The following DENND3 variants were observed in gnomAD, a reference collection of about 807,000 sequenced individuals.
The protein encoded by DENND3 is DENN domain-containing protein 3.
Under a neutral mutation model 135.1 loss-of-function variants are expected in DENND3, and 88 were observed. That is an observed-to-expected ratio of 0.65 (90% CI 0.55 to 0.78). DENND3 has a LOEUF of 0.78. Ranked by LOEUF, DENND3 falls within the 30% of genes least tolerant of loss-of-function variation. The pLI is 0.00. For synonymous variants in DENND3, 693 were observed against 712.3 expected, an observed-to-expected ratio of 0.97 and a Z score of 0.43; for missense variants, 1,392 against 1,688.4, an observed-to-expected ratio of 0.82 and a Z score of 3.08.
At position 141,141,667 on chromosome 8, in the gene DENND3, G is replaced by A; in HGVS notation, c.623+343G>A. ...CATTTTGTTTAGTTTTTCACAAAAA[G>A]GCATATATTAGGAAAAACTCTTTTC... On this transcript the variant is annotated intron_variant, in intron 4 of 22. Transcript: ENST00000519811. The surrounding 1 kb of genome is among the most constrained non-coding windows in gnomAD (Gnocchi z 5.3). The A allele has an allele frequency of 3.8e-6, 1 of 260,526 alleles. No individual in the cohort carries two copies. The highest frequency in any genetic ancestry group is 5.0e-5 in the Admixed American group (1 of 20,094). 16.1% of individuals were successfully genotyped at this position (260,526 alleles called of 1,614,324 possible).
chr8:141,172,153 T>C (rs570439731), intron 13 of DENND3, among the ~76,000 whole-genome samples: 1 of 142,074 alleles, frequency 7.0e-6, no homozygotes, highest in East Asian at 2.2e-4. Flanking sequence ...TGGGTGTGCA[T>C]AGTGACTGTG....
intron 22 of DENND3, chr8:141,193,565 T>C: frequency 6.0e-6 from 1 of 166,118 alleles, no homozygotes; most frequent in Non-Finnish European, 1.3e-5. Flanking sequence ...AAAGCTGGAC[T>C]TCCAGGCCCC....
At chr8:141,133,468 C>T (rs1222913050) in intron 1 of DENND3, among the ~76,000 whole-genome samples, 1 of 152,154 alleles carries the variant, frequency 6.6e-6, no homozygotes, top group East Asian at 1.9e-4. Context: ...CAGACAGGGA[C>T]GTCCCTCGTT....
intron 15 of DENND3, 136 bp downstream of exon 15, chr8:141,176,897 G>C: frequency 1.1e-6 from 1 of 944,476 alleles, no homozygotes; most frequent in Non-Finnish European, 1.6e-6. Context: ...TAAGTTTGTC[G>C]GACACCATCT....
chr8:141,162,312 C>T (rs1305383767), intron 9 of DENND3, among the ~76,000 whole-genome samples: 1 of 151,864 alleles, frequency 6.6e-6, no homozygotes, highest in Non-Finnish European at 1.5e-5. Context: ...ATTTTACAAA[C>T]TCAATGAGTT....
chr8:141,177,948 T>C (rs1035619188), intron 15 of DENND3, 119 bp from the exon 16 acceptor site: 1 of 1,294,628 alleles, frequency 7.7e-7, no homozygotes, highest in Non-Finnish European at 1.0e-6. Context: ...ATCTAAACTC[T>C]TCATGTCACT....
At chr8:141,189,270 T>C (rs1824364230) in intron 19 of DENND3, 124 bp downstream of exon 19, 1 of 1,330,556 alleles carries the variant, frequency 7.5e-7, no homozygotes, top group African/African-American at 1.5e-5. Flanking sequence ...GTGAAGTGGA[T>C]CTAGAACGAG....
Position 141,175,140 on chromosome 8 carries a change from C to T in DENND3, c.2276-60C>T. 1.3e-6 allele frequency: 2 copies of T among 1,551,908 alleles called. No homozygotes were observed. The highest frequency in any genetic ancestry group is 2.3e-5 in the East Asian group (1 of 44,436). On this transcript the variant is annotated intron_variant, in intron 13 of 22. Coordinates refer to ENST00000519811, the MANE Select transcript of DENND3 (RefSeq NM_001352890.3). This position sits in a 1 kb window ranked among gnomAD's most constrained non-coding sequence, Gnocchi z 5.4. Reference sequence around the variant, plus strand: ...GGTTTCTTCAGGTCATGGAGAAGCCCTTGGGGCTCCCGAGGTATGTGGCTG... The same window carrying T: ...GGTTTCTTCAGGTCATGGAGAAGCCTTTGGGGCTCCCGAGGTATGTGGCTG...
At chr8:141,170,389 GT>G (rs747295335) in intron 13 of DENND3, among the ~76,000 whole-genome samples, 45 of 152,130 alleles carry the variant, frequency 3.0e-4, no homozygotes, top group Non-Finnish European at 5.7e-4. Flanking sequence ...ATATGAATGT[GT>G]GTGGGTGTGA....
chr8:141,193,107 C>T (rs533895263), intron 22 of DENND3: 14 of 296,762 alleles, frequency 4.7e-5, no homozygotes, highest in African/African-American at 2.7e-4. Flanking sequence ...ATGGCACTCT[C>T]TCTCCCTGTG....
At chr8:141,180,974 A>AAGGT in intron 17 of DENND3, 120 bp downstream of exon 17, 1 of 763,756 alleles carries the variant, frequency 1.3e-6, no homozygotes, top group South Asian at 2.0e-5. Flanking sequence ...AAGTGGGGAC[A>AAGGT]AGGTGCCTGT....
Position 141,174,504 on chromosome 8 carries a change from G to T in DENND3, c.2276-696G>T, listed in dbSNP as rs948371053. Among the ~76,000 whole-genome samples the T allele has an allele frequency of 6.6e-6, 1 of 152,132 alleles. No homozygotes were observed. Among genetic ancestry groups the T allele is most frequent in the African/African-American group, 2.4e-5 (1 of 41,418 alleles). On this transcript the variant is annotated intron_variant, in intron 13 of 22. Coordinates refer to ENST00000519811, the MANE Select transcript of DENND3 (RefSeq NM_001352890.3). The surrounding 1 kb of genome is among the most constrained non-coding windows in gnomAD (Gnocchi z 4.6). ...TTTCCGAGGGGTCGTCCCATCTCCC[G>T]CTGACAGATAAGCAGGTTCGTTCCG...
In DENND3 at chr8:141,128,824, A is replaced by G; in HGVS notation, c.102+15A>G. 1 of 1,379,320 alleles carries G rather than the reference A, an allele frequency of 7.2e-7. No individual in the cohort carries two copies. Among genetic ancestry groups the G allele is most frequent in the Non-Finnish European group, 9.4e-7 (1 of 1,059,112 alleles). 85.4% of individuals were successfully genotyped at this position (1,379,320 alleles called of 1,614,324 possible). ...GTCTCGAGCAGGTGAGGGGCGGGGA[A>G]ACTGAGGCGGACGTGGGCCACGAGT... is the stretch of plus-strand genomic sequence containing the variant. On this transcript the variant is annotated intron_variant, in intron 1 of 22. Coordinates refer to ENST00000519811, the MANE Select transcript of DENND3 (RefSeq NM_001352890.3). The surrounding 1 kb of genome is among the most constrained non-coding windows in gnomAD (Gnocchi z 4.5).
chr8:141,146,963 A>G lies in DENND3; in HGVS notation c.735+2704A>G, dbSNP rs558933277. ...ACTTGAGAGCAGTTTCAGGGTCAGC[A>G]GTAATGAGCTGCACTCGGCCTTTGA... is the stretch of plus-strand genomic sequence containing the variant. On this transcript the variant is annotated intron_variant, in intron 5 of 22. Transcript: ENST00000519811. This position sits in a 1 kb window ranked among gnomAD's most constrained non-coding sequence, Gnocchi z 4.3. Among the ~76,000 whole-genome samples, 2 of 152,334 alleles carry G rather than the reference A, an allele frequency of 1.3e-5. No individual in the cohort carries two copies. The highest frequency in any genetic ancestry group is 3.9e-4 in the East Asian group (2 of 5,186).
Position 141,136,690 on chromosome 8 carries a change from A to C in DENND3, c.284A>C (p.Gln95Pro). ...AAGAGAGAGAAGCCCAGACCAGAGC[A>C]GTGGAAGGGCCTCCCGGGGCCCCCC... ...RKKREKPRPE[Q>P]WKGLPGPPRA... is the part of the protein sequence containing the mutation. The change falls in exon 2 of 23, where the codon CAG (glutamine) becomes CCG (proline). Residue 95 changes from glutamine to proline, a missense_variant. By Grantham distance (76) the Gln-to-Pro change is moderately conservative. Coordinates refer to ENST00000519811, the MANE Select transcript of DENND3 (RefSeq NM_001352890.3). The C allele has an allele frequency of 6.2e-7, 1 of 1,613,220 alleles. No individual in the cohort carries two copies. The highest frequency in any genetic ancestry group is 1.1e-5 in the South Asian group (1 of 90,808).
chr8:141,141,141 G>T lies in DENND3; in HGVS notation c.502-62G>T. ...TGTGTGCTGAAACGTGACCCAGTTG[G>T]AAACAGATACTGGAATTGCCAAGGT... is the stretch of plus-strand genomic sequence containing the variant. On this transcript the variant is annotated intron_variant, in intron 3 of 22. Coordinates refer to ENST00000519811, the MANE Select transcript of DENND3 (RefSeq NM_001352890.3). The surrounding 1 kb of genome is among the most constrained non-coding windows in gnomAD (Gnocchi z 5.3). 6.2e-7 allele frequency: 1 copy of T among 1,612,308 alleles called. No individual in the cohort carries two copies. The highest frequency in any genetic ancestry group is 8.5e-7 in the Non-Finnish European group (1 of 1,179,186).
In DENND3 at chr8:141,136,847, G is replaced by A. The variant is rs991790816; in HGVS notation, c.385+56G>A. On this transcript the variant is annotated intron_variant, in intron 2 of 22. Coordinates refer to ENST00000519811, the MANE Select transcript of DENND3 (RefSeq NM_001352890.3). ...CCTCCTGCTGCCGGCCACCCAGAGT[G>A]GTCTATTCCCAGAAACCCACAGGCA... The A allele has an allele frequency of 3.3e-5, 49 of 1,469,780 alleles. No homozygotes were observed. The African/African-American group carries it at 6.5e-4, about 20-fold the overall frequency. 91.0% of individuals were successfully genotyped at this position (1,469,780 alleles called of 1,614,324 possible). A position where few individuals can be genotyped will look rare whatever the true frequency, so the allele number is the denominator to read the frequency against.
At chr8:141,160,934 T>G in intron 9 of DENND3, 147 bp downstream of exon 9, 1 of 1,074,462 alleles carries the variant, frequency 9.3e-7, no homozygotes, top group Non-Finnish European at 1.3e-6. Flanking sequence ...TGCCAAAGCT[T>G]TTCTTGTGAC....
At chr8:141,179,958 A>C (rs1321508977) in intron 16 of DENND3, among the ~76,000 whole-genome samples, 1 of 152,158 alleles carries the variant, frequency 6.6e-6, no homozygotes, top group Non-Finnish European at 1.5e-5. Context: ...ACCGCAGAAC[A>C]GGCTGGTCCC....
Sources: allele counts gnomAD v4.1 joint callset (sites outside exome capture counted in the v4.1 genomes callset), GRCh38; gene constraint gnomAD v4.1.1; non-coding constraint Gnocchi (gnomAD v3.1); transcripts MANE v1.5; gene names NCBI Gene and HGNC (gene_info 2026-07-23, HGNC 2026-07-21).